ADRA1B: variants seen among roughly 807,000 people sequenced by gnomAD.
ADRA1B encodes the protein alpha-1B adrenergic receptor.
ADRA1B carries 17 observed loss-of-function variants against 17.9 expected under a neutral mutation model. The ratio of observed to expected loss-of-function variants is 0.95; its 90% confidence interval spans 0.65 to 1.42. ADRA1B has a LOEUF of 1.42. Among genes scored for constraint, ADRA1B ranks in the 40% most tolerant of loss-of-function variants. The probability of loss-of-function intolerance (pLI) is 0.00; values close to 1 mark genes in which losing one functional copy is unlikely to be tolerated. For synonymous variants in ADRA1B, 366 were observed against 327.6 expected (o/e 1.12, Z -1.27); for missense variants, 681 against 722.1 (o/e 0.94, Z 0.65).
chr5:159,881,297 AG>A (rs1561581393), intron 1 of ADRA1B, among the ~76,000 whole-genome samples: 23 of 87,298 alleles, frequency 2.6e-4, no homozygotes, highest in African/African-American at 9.2e-4. Flanking sequence ...AATATCAGAA[AG>A]TTCTCTCTCT....
intron 1 of ADRA1B, among the ~76,000 whole-genome samples, chr5:159,947,381 G>T (rs76272300): frequency 6.6e-6 from 1 of 151,856 alleles, no homozygotes; most frequent in Admixed American, 6.6e-5. Context: ...GGCTCAGAAA[G>T]GTAAAATAAT....
intron 1 of ADRA1B, among the ~76,000 whole-genome samples, chr5:159,897,597 T>C (rs919192468): frequency 6.6e-6 from 1 of 152,142 alleles, no homozygotes; most frequent in Non-Finnish European, 1.5e-5. Context: ...CTTTCCAAGG[T>C]TCCTAAAATC....
the ADRA1B span, among the ~76,000 whole-genome samples, chr5:159,978,908 G>GT: frequency 6.6e-6 from 1 of 152,194 alleles, no homozygotes; most frequent in Non-Finnish European, 1.5e-5. Flanking sequence ...GCACTCATTT[G>GT]TTTTTTCATT....
At chr5:159,984,040 A>T in the ADRA1B span, among the ~76,000 whole-genome samples, 1 of 152,002 alleles carries the variant, frequency 6.6e-6, no homozygotes, top group Non-Finnish European at 1.5e-5. Flanking sequence ...ATTTGGTGTG[A>T]CTGATACACT....
At chr5:159,936,819 G>A (rs532196419) in intron 1 of ADRA1B, among the ~76,000 whole-genome samples, 1 of 152,306 alleles carries the variant, frequency 6.6e-6, no homozygotes, top group South Asian at 2.1e-4. Context: ...ATGGGAAAGA[G>A]GAAAACAGCC....
intron 1 of ADRA1B, among the ~76,000 whole-genome samples, chr5:159,908,087 A>C (rs1300775588): frequency 1.3e-5 from 2 of 152,086 alleles, no homozygotes; most frequent in Non-Finnish European, 2.9e-5. Context: ...CAGGATCCTG[A>C]CATAAACTCA....
chr5:159,903,204 A>G (rs1358435048), intron 1 of ADRA1B, among the ~76,000 whole-genome samples: 1 of 152,134 alleles, frequency 6.6e-6, no homozygotes, highest in African/African-American at 2.4e-5. Flanking sequence ...CAAGGTTCCC[A>G]CCCCAAATGT....
chr5:159,973,840 TGCCTCTGAAA>T (rs1755929966), downstream of ADRA1B, among the ~76,000 whole-genome samples: 1 of 152,240 alleles, frequency 6.6e-6, no homozygotes, highest in African/African-American at 2.4e-5. Context: ...AGGTCTTTGC[TGCCTCTGAAA>T]GCCCCTAGTT....
intron 1 of ADRA1B, among the ~76,000 whole-genome samples, chr5:159,924,188 T>A (rs1186168719): frequency 6.6e-6 from 1 of 152,278 alleles, no homozygotes; most frequent in Admixed American, 6.5e-5. Context: ...TAAATGATTC[T>A]TTTTCTTCTA....
intron 1 of ADRA1B, among the ~76,000 whole-genome samples, chr5:159,966,320 A>G (rs948716757): frequency 6.6e-6 from 1 of 152,246 alleles, no homozygotes; most frequent in Admixed American, 6.5e-5. Context: ...CAGAGTGCTC[A>G]TAAGGACTCT....
chr5:159,904,533 C>T (rs1373502875), intron 1 of ADRA1B, among the ~76,000 whole-genome samples: 2 of 152,180 alleles, frequency 1.3e-5, no homozygotes, highest in Non-Finnish European at 2.9e-5. Flanking sequence ...TGGAAGGCAC[C>T]TCCTCAATGG....
chr5:159,902,156 G>A (rs1754107252), intron 1 of ADRA1B, among the ~76,000 whole-genome samples: 1 of 152,196 alleles, frequency 6.6e-6, no homozygotes, highest in Admixed American at 6.5e-5. Context: ...TGGAATATTA[G>A]CCTTAAAAAG....
At chr5:159,982,744 A>G in the ADRA1B span, among the ~76,000 whole-genome samples, 4 of 152,230 alleles carry the variant, frequency 2.6e-5, no homozygotes, top group African/African-American at 9.6e-5. Context: ...TTAGAAAACA[A>G]AAGCCAGGAA....
chr5:159,889,090 GCTTCCTGC>G (rs1473968084), intron 1 of ADRA1B, among the ~76,000 whole-genome samples: 2 of 152,076 alleles, frequency 1.3e-5, no homozygotes, highest in African/African-American at 4.8e-5. Context: ...AAAGAACATT[GCTTCCTGC>G]CTTCTCTCAA....
chr5:159,865,823 C>G (rs1753645815), intron 1 of ADRA1B, among the ~76,000 whole-genome samples: 1 of 152,216 alleles, frequency 6.6e-6, no homozygotes, highest in Admixed American at 6.5e-5. Flanking sequence ...CAAGTAGCCC[C>G]TGGCAGACGT....
chr5:159,914,616 A>T (rs1347250217), upstream of ADRA1B, among the ~76,000 whole-genome samples: 2 of 152,326 alleles, frequency 1.3e-5, no homozygotes, highest in East Asian at 3.9e-4. Flanking sequence ...TATTTTGCAC[A>T]TGTGTGGAGT....
intron 1 of ADRA1B, chr5:159,948,236 T>C: frequency 1.0e-6 from 1 of 985,452 alleles, no homozygotes; most frequent in Non-Finnish European, 1.2e-6. Flanking sequence ...ACAGCACAGA[T>C]TATTTTGTGA....
At chr5:159,865,591 C>T (rs1753643391) in intron 1 of ADRA1B, among the ~76,000 whole-genome samples, 1 of 152,192 alleles carries the variant, frequency 6.6e-6, no homozygotes, top group Non-Finnish European at 1.5e-5. Context: ...AACTGCATTG[C>T]ATTTTTCCAA....
At chr5:159,961,868 C>T (rs1581068185) in intron 1 of ADRA1B, among the ~76,000 whole-genome samples, 1 of 152,168 alleles carries the variant, frequency 6.6e-6, no homozygotes, top group East Asian at 1.9e-4. Flanking sequence ...CTTTAGGTCC[C>T]CACGCCACAC....
Sources: allele counts gnomAD v4.1 joint callset (sites outside exome capture counted in the v4.1 genomes callset), GRCh38; gene constraint gnomAD v4.1.1; transcripts MANE v1.5; gene names NCBI Gene and HGNC (gene_info 2026-07-23, HGNC 2026-07-21).